NRK: variants seen among roughly 807,000 people sequenced by gnomAD.
The protein encoded by NRK is Nik related kinase.
In NRK, 67 loss-of-function variants were observed where a neutral mutation model predicts 125.2. The ratio of observed to expected loss-of-function variants is 0.54; its 90% CI spans 0.44 to 0.66. The LOEUF is 0.66. NRK is among the 30% of genes least tolerant of loss of function. The pLI, the probability that NRK is intolerant of heterozygous loss-of-function variation, is 0.00. For synonymous variants in NRK, 458 were observed against 429.0 expected (o/e 1.07, Z -0.84); for missense variants, 1,224 against 1,192.9 (o/e 1.03, Z -0.38).
rs751344395 is a variant in NRK, at chrX:105,822,824, T to C, written c.-22T>C. ...GCGCGCACCCAATTCAGTCGCCCGC[T>C]CCCGTTCGGCTCCTCGAAGCCATGG... On this transcript the variant is annotated 5_prime_UTR_variant, in exon 1 of 29. Coordinates refer to ENST00000243300, the MANE Select transcript of NRK (RefSeq NM_198465.4). 10 of 1,166,215 alleles carry C rather than the reference T, an allele frequency of 8.6e-6. No homozygotes were observed. In the South Asian group the frequency reaches 1.9e-4, roughly 22 times the overall value.
chrX:105,834,452 T>C (rs1037079206), intron 2 of NRK, among the ~76,000 whole-genome samples: 3 of 108,567 alleles, frequency 2.8e-5, no homozygotes, highest in South Asian at 3.9e-4. Flanking sequence ...GGTGTGTGCG[T>C]GTGTGTGTGT....
intron 2 of NRK, among the ~76,000 whole-genome samples, chrX:105,848,257 T>C (rs192624204): frequency 9.0e-6 from 1 of 111,189 alleles, no homozygotes; most frequent in African/African-American, 3.3e-5. Context: ...AGAGCATCCC[T>C]TTGCTATAGA....
chrX:105,911,522 A>G (rs1003381112), intron 13 of NRK, among the ~76,000 whole-genome samples: 1 of 111,627 alleles, frequency 9.0e-6, no homozygotes, highest in Non-Finnish European at 1.9e-5. Context: ...GTTTGTGCAC[A>G]TTGAGCCAAT....
Position 105,955,542 on chromosome X carries a change from G to A in NRK, c.4691G>A (p.Arg1564Gln). Residue 1564 changes from arginine (R) to glutamine (Q), a missense_variant, in exon 29 of 29, where the codon CGG becomes CAG. By Grantham distance (43) the Arg-to-Gln change is conservative. Transcript: ENST00000243300. The stretch of plus-strand genomic sequence containing the variant: ...TCTACCCTGCGCAATCACCACAGCC[G>A]GGTTTACTTCATGACACTTGGAAAA... The part of the protein sequence containing the change: ...FTSTLRNHHS[R>Q]VYFMTLGKLE... The A allele has an allele frequency of 4.2e-6, 5 of 1,194,264 alleles. No homozygotes were observed. The highest frequency in any genetic ancestry group is 3.0e-5 in the East Asian group (1 of 33,466).
In NRK at chrX:105,864,067, C is replaced by T. The variant is rs1313896515; in HGVS notation, c.124-16132C>T. On this transcript the variant is annotated intron_variant, in intron 2 of 28. Coordinates refer to ENST00000243300, the MANE Select transcript of NRK (RefSeq NM_198465.4). ...AGACATAAAAATTTGATTTAAAAGA[C>T]CTTTTTCTATTGCTATGACTTTATT... is the stretch of plus-strand genomic sequence containing the variant. 1.1e-4 allele frequency among the ~76,000 whole-genome samples: 12 copies of T among 112,236 alleles called. No individual in the cohort carries two copies. In the Admixed American group the frequency reaches 1.1e-3, roughly 11 times the overall value.
chrX:105,867,977 C>T (rs940545289), intron 2 of NRK, among the ~76,000 whole-genome samples: 3 of 111,597 alleles, frequency 2.7e-5, no homozygotes, highest in African/African-American at 9.8e-5. Context: ...TGTACTCTTA[C>T]TGTGAAAATT....
chrX:105,879,106 C>T (rs2039853856), intron 2 of NRK, among the ~76,000 whole-genome samples: 1 of 110,670 alleles, frequency 9.0e-6, no homozygotes, highest in African/African-American at 3.3e-5. Flanking sequence ...TTTTACATGA[C>T]TGTCACCCCT....
At chrX:105,908,635 G>C in intron 12 of NRK, 92 bp from the exon 13 acceptor site, 2 of 1,077,290 alleles carry the variant, frequency 1.9e-6, no homozygotes, top group Non-Finnish European at 2.4e-6. Flanking sequence ...TGCAGAAAAT[G>C]TCCATCTTTT....
At position 105,906,450 on chromosome X, in the gene NRK, G is replaced by T; in HGVS notation, c.882G>T (p.Thr294=). The part of the protein sequence containing the change: ...RKFHNFMEKC[T]IKNFLFRPTS... ...TCCACAATTTCATGGAAAAGTGTACGATAAAAAATTTCCTGTTTCGTCCTA... is the reference window on the plus strand; with the variant it reads ...TCCACAATTTCATGGAAAAGTGTACTATAAAAAATTTCCTGTTTCGTCCTA... Residue 294 remains threonine (T), a synonymous_variant, in exon 11 of 29, where the codon ACG becomes ACT. Transcript: ENST00000243300. The T allele has an allele frequency of 2.6e-6, 3 of 1,157,688 alleles. No individual in the cohort carries two copies. In the African/African-American group the frequency reaches 5.3e-5, roughly 21 times the overall value.
chrX:105,915,618 TAA>T (rs774760617), intron 14 of NRK, 110 bp from the exon 15 acceptor site: 1 of 380,676 alleles, frequency 2.6e-6, no homozygotes, highest in Non-Finnish European at 4.7e-6. Flanking sequence ...TCATATTTTA[TAA>T]GTTAGATTTT....
chrX:105,839,232 A>G (rs1391920989), intron 2 of NRK, among the ~76,000 whole-genome samples: 1 of 90,188 alleles, frequency 1.1e-5, no homozygotes, highest in Non-Finnish European at 2.2e-5. Context: ...AATGTCTAGC[A>G]CTGTGAATGC....
At chrX:105,913,932 C>T (rs1318774061) in intron 14 of NRK, among the ~76,000 whole-genome samples, 2 of 110,605 alleles carry the variant, frequency 1.8e-5, no homozygotes, top group Non-Finnish European at 3.8e-5. Flanking sequence ...TTAATAGTAT[C>T]CTATTTAGAA....
chrX:105,950,823 CAGAG>C (rs746466025), intron 27 of NRK, among the ~76,000 whole-genome samples: 12 of 100,616 alleles, frequency 1.2e-4, no homozygotes, highest in African/African-American at 2.9e-4. Context: ...AACATAGAGA[CAGAG>C]AGAGAGAGAG....
chrX:105,931,195 T>C (rs932981055), intron 19 of NRK, among the ~76,000 whole-genome samples: 1 of 112,508 alleles, frequency 8.9e-6, no homozygotes, highest in African/African-American at 3.2e-5. Context: ...GCCCAAGATC[T>C]GAGCAGTCAG....
Position 105,922,017 on chromosome X carries a change from C to T in NRK, c.2566C>T (p.Pro856Ser). The change falls in exon 17 of 29, where the codon CCA (proline) becomes TCA (serine). Residue 856 changes from proline to serine, a missense_variant. Pro to Ser is a moderately conservative substitution (Grantham distance 74). Transcript: ENST00000243300. Reference protein sequence around the residue: ...PVTGRRSQSSPPYSTIDQKLL... With the variant: ...PVTGRRSQSSSPYSTIDQKLL... ...GACTGGAAGGAGGTCTCAGTCATCA[C>T]CACCTTATTCTACTATTGATCAGAA... 8.5e-7 allele frequency: 1 copy of T among 1,181,411 alleles called. No individual in the cohort carries two copies. The highest frequency in any genetic ancestry group is 1.1e-6 in the Non-Finnish European group (1 of 869,844).
intron 24 of NRK, among the ~76,000 whole-genome samples, chrX:105,945,356 G>A (rs1275949598): frequency 8.9e-6 from 1 of 112,154 alleles, no homozygotes; most frequent in Non-Finnish European, 1.9e-5. Context: ...GGTATATTTT[G>A]TAAGGGAACA....
chrX:105,941,547 GAGAC>G, intron 23 of NRK, among the ~76,000 whole-genome samples: 1 of 89,472 alleles, frequency 1.1e-5, no homozygotes, highest in South Asian at 5.8e-4. Flanking sequence ...GACCCAGAGA[GAGAC>G]AGAAAGAGAG....
chrX:105,921,776 C>A (rs930080655), intron 16 of NRK, among the ~76,000 whole-genome samples, 188 bp from the exon 17 acceptor site: 1 of 108,822 alleles, frequency 9.2e-6, no homozygotes, highest in Admixed American at 9.9e-5. Context: ...CCTGCTAATA[C>A]CCCTGAAAAG....
intron 23 of NRK, among the ~76,000 whole-genome samples, chrX:105,942,835 G>A (rs2040761810): frequency 9.1e-6 from 1 of 110,334 alleles, no homozygotes; most frequent in Non-Finnish European, 1.9e-5. Context: ...ATGTTGGCCA[G>A]GCTGGTATCG....
Sources: gnomAD v4.1 joint callset for allele counts (sites outside exome capture counted in the v4.1 genomes callset) on GRCh38, gnomAD v4.1.1 for gene constraint, MANE v1.5 for transcripts, NCBI Gene and HGNC (gene_info 2026-07-23, HGNC 2026-07-21) for gene names.